The following MTA3 variants were observed in gnomAD, a reference collection of about 807,000 sequenced individuals.
The protein encoded by MTA3 is metastasis-associated protein MTA3.
MTA3 carries 34 observed loss-of-function variants against 83.5 expected under a neutral mutation model. The observed-to-expected ratio is 0.41, with a 90% CI of 0.31 to 0.54. The LOEUF (loss-of-function observed/expected upper bound fraction) is 0.54. Ranked by LOEUF, MTA3 falls within the 20% of genes least tolerant of loss-of-function variation. The probability of loss-of-function intolerance (pLI) is 0.33; values close to 1 mark genes in which losing one functional copy is unlikely to be tolerated. For synonymous variants in MTA3, 303 were observed against 252.7 expected (o/e 1.20, Z -1.89); for missense variants, 761 against 726.4 (o/e 1.05, Z -0.55).
intron 9 of MTA3, among the ~76,000 whole-genome samples, chr2:42,690,035 T>C (rs1354665791): frequency 6.6e-6 from 1 of 152,094 alleles, no homozygotes; most frequent in Non-Finnish European, 1.5e-5. Flanking sequence ...TCCCAGCTAC[T>C]TGGGAGCTTG....
intron 8 of MTA3, among the ~76,000 whole-genome samples, chr2:42,679,923 G>T (rs1196132227): frequency 6.6e-6 from 1 of 151,502 alleles, no homozygotes; most frequent in Non-Finnish European, 1.5e-5. Flanking sequence ...TTCTAAGTGT[G>T]TTTATAATAA....
chr2:42,615,211 A>C (rs1335232550), intron 4 of MTA3, among the ~76,000 whole-genome samples: 3 of 149,558 alleles, frequency 2.0e-5, no homozygotes, highest in Non-Finnish European at 3.0e-5. Context: ...GAATTGCTTG[A>C]CTTCATCTTA....
intron 8 of MTA3, among the ~76,000 whole-genome samples, chr2:42,673,918 T>C (rs766319302): frequency 1.3e-5 from 2 of 152,210 alleles, no homozygotes; most frequent in Non-Finnish European, 1.5e-5. Flanking sequence ...ATTAAGTTCT[T>C]TAGTCTCAAA....
At chr2:42,568,803 G>C (rs1214058462) in intron 1 of MTA3, 30 bp downstream of exon 1, 1 of 1,215,366 alleles carries the variant, frequency 8.2e-7, no homozygotes, top group Non-Finnish European at 1.0e-6. Context: ...CCCGGCCCGT[G>C]TGGGAGCGGG....
chr2:42,512,615 C>T (rs1033146669), intron 2 of MTA3, among the ~76,000 whole-genome samples: 8 of 152,106 alleles, frequency 5.3e-5, no homozygotes, highest in Non-Finnish European at 7.4e-5. Context: ...CAAATGTCAG[C>T]GTAAATCTCC....
intron 4 of MTA3, among the ~76,000 whole-genome samples, chr2:42,617,476 G>A (rs578136705): frequency 5.1e-4 from 77 of 152,264 alleles, no homozygotes; most frequent in African/African-American, 1.8e-3. Context: ...TTCCTGAAAT[G>A]AGTAGATAGA....
intron 11 of MTA3, 148 bp from the exon 12 acceptor site, chr2:42,704,046 C>A: frequency 4.6e-6 from 4 of 876,426 alleles, no homozygotes; most frequent in South Asian, 1.8e-5. Context: ...TCATTTAACA[C>A]CTTGGTTTTA....
chr2:42,535,279 C>T (rs908654420), intron 2 of MTA3, among the ~76,000 whole-genome samples: 5 of 151,962 alleles, frequency 3.3e-5, no homozygotes, highest in Non-Finnish European at 5.9e-5. Context: ...CCCAGCTACT[C>T]GGGAGGCTGA....
At chr2:42,540,567 G>C (rs1572949911) in intron 2 of MTA3, among the ~76,000 whole-genome samples, 1 of 152,036 alleles carries the variant, frequency 6.6e-6, no homozygotes, top group East Asian at 1.9e-4. Context: ...GGGCACAGTA[G>C]CTCACACCTC....
intron 4 of MTA3, among the ~76,000 whole-genome samples, chr2:42,636,135 T>C (rs765843491): frequency 2.6e-5 from 4 of 152,132 alleles, no homozygotes; most frequent in Non-Finnish European, 4.4e-5. Flanking sequence ...TTGTTAATCA[T>C]GTAGATTCCT....
At chr2:42,538,724 A>AG (rs1676374001) in intron 2 of MTA3, among the ~76,000 whole-genome samples, 1 of 149,898 alleles carries the variant, frequency 6.7e-6, no homozygotes, top group African/African-American at 2.4e-5. Context: ...AAAAAAAAAA[A>AG]AAGAAAAAGA....
chr2:42,737,038 C>T (rs976637569), intron 16 of MTA3, among the ~76,000 whole-genome samples: 3 of 152,202 alleles, frequency 2.0e-5, no homozygotes, highest in Admixed American at 6.5e-5. Flanking sequence ...CTTTTCTCTC[C>T]TAAGCAGGAG....
intron 8 of MTA3, among the ~76,000 whole-genome samples, chr2:42,675,068 C>G (rs974630022): frequency 7.9e-5 from 12 of 151,992 alleles, no homozygotes; most frequent in African/African-American, 2.9e-4. Flanking sequence ...GATTACATGC[C>G]TGAGCCAATG....
intron 3 of MTA3, among the ~76,000 whole-genome samples, chr2:42,581,025 T>C (rs1195035492): frequency 1.3e-5 from 2 of 152,238 alleles, no homozygotes; most frequent in East Asian, 3.8e-4. Flanking sequence ...GCCCACTGTG[T>C]CATCCGTTTA....
intron 6 of MTA3, among the ~76,000 whole-genome samples, chr2:42,655,515 A>G (rs1022000751): frequency 3.3e-5 from 5 of 152,174 alleles, no homozygotes; most frequent in African/African-American, 7.2e-5. Flanking sequence ...TTCTTATGCT[A>G]TAACTGTTAA....
chr2:42,621,755 G>T, intron 4 of MTA3, among the ~76,000 whole-genome samples: 1 of 151,962 alleles, frequency 6.6e-6, no homozygotes, highest in South Asian at 2.1e-4. Context: ...CTGCCGGGCG[G>T]AGGGGCTCTT....
chr2:42,516,218 T>C (rs1360291385), intron 2 of MTA3, among the ~76,000 whole-genome samples: 1 of 152,160 alleles, frequency 6.6e-6, no homozygotes, highest in East Asian at 1.9e-4. Flanking sequence ...CCTGGCGCAG[T>C]GTTTATTTTA....
chr2:42,595,481 A>C (rs1681686907), intron 3 of MTA3, among the ~76,000 whole-genome samples: 1 of 152,048 alleles, frequency 6.6e-6, no homozygotes, highest in African/African-American at 2.4e-5. Flanking sequence ...GCCTATTTTG[A>C]GTTTAACTTT....
chr2:42,513,774 G>C (rs1465519304), intron 2 of MTA3, among the ~76,000 whole-genome samples: 2 of 152,190 alleles, frequency 1.3e-5, no homozygotes, highest in Admixed American at 1.3e-4. Flanking sequence ...GGGAAGTGCA[G>C]GACTGCCACG....
Sources: allele counts gnomAD v4.1 joint callset (sites outside exome capture counted in the v4.1 genomes callset), GRCh38; gene constraint gnomAD v4.1.1; transcripts MANE v1.5; gene names NCBI Gene and HGNC (gene_info 2026-07-23, HGNC 2026-07-21).